AGBL1: variants seen among roughly 807,000 people sequenced by gnomAD.
AGBL1 encodes the protein AGBL carboxypeptidase 1, also known as cytosolic carboxypeptidase 4.
Under a neutral mutation model 118.9 loss-of-function variants are expected in AGBL1, and 130 were observed. The ratio of observed to expected loss-of-function variants is 1.09; its 90% CI spans 0.95 to 1.26. The LOEUF (loss-of-function observed/expected upper bound fraction) is 1.26, where lower values mean the gene tolerates loss of function less well. Ranked by LOEUF, AGBL1 falls within the 50% of genes most tolerant of loss-of-function variation. The pLI, the probability that AGBL1 is intolerant of heterozygous loss-of-function variation, is 0.00. For missense variants in AGBL1, 1,584 were observed against 1,298.1 expected, an observed-to-expected ratio of 1.22 and a Z score of -3.38; for synonymous variants, 555 against 478.9, an observed-to-expected ratio of 1.16 and a Z score of -2.08.
chr15:86,100,846 AT>A (rs1250718597), intron 1 of AGBL1, among the ~76,000 whole-genome samples: 2 of 151,766 alleles, frequency 1.3e-5, no homozygotes, highest in Non-Finnish European at 2.9e-5. Flanking sequence ...CCTTAGTATT[AT>A]TTTTTAGTCA....
chr15:86,256,507 G>A (rs1013291547), intron 7 of AGBL1, among the ~76,000 whole-genome samples: 1 of 152,164 alleles, frequency 6.6e-6, no homozygotes, highest in African/African-American at 2.4e-5. Flanking sequence ...AAAAGACACC[G>A]GCCTCCTCTT....
At chr15:86,104,813 T>A (rs891312617) in intron 1 of AGBL1, among the ~76,000 whole-genome samples, 5 of 152,156 alleles carry the variant, frequency 3.3e-5, no homozygotes, top group African/African-American at 9.7e-5. Flanking sequence ...TGGGACCCAG[T>A]GCGAGCTCCC....
At chr15:86,985,575 T>C (rs1200164471) in intron 23 of AGBL1, among the ~76,000 whole-genome samples, 1 of 152,004 alleles carries the variant, frequency 6.6e-6, no homozygotes, top group African/African-American at 2.4e-5. Flanking sequence ...CCATGTTATA[T>C]TGGGTTGTTT....
chr15:86,759,208 A>G (rs1047838595), intron 22 of AGBL1, among the ~76,000 whole-genome samples: 1 of 152,106 alleles, frequency 6.6e-6, no homozygotes, highest in Non-Finnish European at 1.5e-5. Flanking sequence ...TATGCTTTTT[A>G]AAGACAGTTG....
intron 22 of AGBL1, among the ~76,000 whole-genome samples, chr15:86,813,741 A>G (rs141283959): frequency 6.6e-6 from 1 of 152,340 alleles, no homozygotes; most frequent in African/African-American, 2.4e-5. Flanking sequence ...AGGGTTTGTA[A>G]CAAACAGTCA....
intron 23 of AGBL1, among the ~76,000 whole-genome samples, chr15:86,978,987 T>C (rs1336247866): frequency 6.6e-6 from 1 of 152,188 alleles, no homozygotes; most frequent in Non-Finnish European, 1.5e-5. Context: ...TATTAACATG[T>C]CTGTATTGAG....
At chr15:86,718,323 G>T (rs1395300209) in intron 22 of AGBL1, among the ~76,000 whole-genome samples, 1 of 152,098 alleles carries the variant, frequency 6.6e-6, no homozygotes, top group Admixed American at 6.5e-5. Flanking sequence ...TCACTCATAG[G>T]TGGGAATTGA....
At chr15:86,315,543 G>A (rs190060536) in intron 17 of AGBL1, among the ~76,000 whole-genome samples, 2 of 151,680 alleles carry the variant, frequency 1.3e-5, no homozygotes, top group Admixed American at 6.6e-5. Flanking sequence ...GTGAAACCCC[G>A]TCTCTACTAA....
intron 22 of AGBL1, among the ~76,000 whole-genome samples, chr15:86,840,053 T>A (rs977795271): frequency 1.3e-5 from 2 of 152,220 alleles, no homozygotes; most frequent in Non-Finnish European, 2.9e-5. Flanking sequence ...ATATTTTTAT[T>A]GGGAGAGAAA....
chr15:86,620,941 T>C (rs2084793881), intron 21 of AGBL1, among the ~76,000 whole-genome samples: 1 of 152,170 alleles, frequency 6.6e-6, no homozygotes, highest in African/African-American at 2.4e-5. Context: ...GGCTGCTCTT[T>C]CCCTCCAGTT....
intron 22 of AGBL1, among the ~76,000 whole-genome samples, chr15:86,738,510 G>T (rs979803494): frequency 6.6e-6 from 1 of 152,082 alleles, no homozygotes; most frequent in African/African-American, 2.4e-5. Context: ...TCTTAGAAAT[G>T]GTAAACAAAT....
At chr15:86,934,689 T>A (rs971217718) in intron 23 of AGBL1, among the ~76,000 whole-genome samples, 1 of 79,778 alleles carries the variant, frequency 1.3e-5, no homozygotes, top group African/African-American at 3.4e-5. Context: ...AGCTGGTTAA[T>A]ACAGTACTTC....
At chr15:86,419,281 G>C (rs752907817) in intron 18 of AGBL1, among the ~76,000 whole-genome samples, 3 of 152,034 alleles carry the variant, frequency 2.0e-5, no homozygotes, top group Non-Finnish European at 4.4e-5. Context: ...CATCTCATTG[G>C]GACTGGTTAG....
intron 23 of AGBL1, among the ~76,000 whole-genome samples, chr15:86,960,248 C>A (rs1250397351): frequency 6.6e-6 from 1 of 152,102 alleles, no homozygotes; most frequent in African/African-American, 2.4e-5. Flanking sequence ...TATTAGGGAG[C>A]TACTTCTAGA....
intron 17 of AGBL1, among the ~76,000 whole-genome samples, chr15:86,326,721 C>G (rs35992931): frequency 0.036 from 5,434 of 152,154 alleles, 321 homozygotes; most frequent in African/African-American, 0.12. Context: ...CAGACAACAG[C>G]ATTTGAGCAA....
At chr15:86,999,738 A>G (rs1596724447) in intron 24 of AGBL1, among the ~76,000 whole-genome samples, 1 of 150,790 alleles carries the variant, frequency 6.6e-6, no homozygotes, top group African/African-American at 2.4e-5. Context: ...TTGGGTATAT[A>G]CCCAGTAATG....
chr15:86,521,932 C>T (rs562941718), intron 18 of AGBL1, among the ~76,000 whole-genome samples: 21 of 152,184 alleles, frequency 1.4e-4, no homozygotes, highest in African/African-American at 4.8e-4. Flanking sequence ...ATTGACCCTA[C>T]TGAGTAAATA....
intron 18 of AGBL1, among the ~76,000 whole-genome samples, chr15:86,452,694 A>C (rs908853425): frequency 6.6e-6 from 1 of 152,152 alleles, no homozygotes; most frequent in Non-Finnish European, 1.5e-5. Context: ...CAACGTTCTT[A>C]CTGAATGAAA....
At chr15:86,369,258 C>T (rs907960271) in intron 17 of AGBL1, among the ~76,000 whole-genome samples, 1 of 152,120 alleles carries the variant, frequency 6.6e-6, no homozygotes, top group Non-Finnish European at 1.5e-5. Context: ...TTTGATAAAG[C>T]AAACTCGAGA....
Sources: allele counts gnomAD v4.1 joint callset (sites outside exome capture counted in the v4.1 genomes callset), GRCh38; gene constraint gnomAD v4.1.1; transcripts MANE v1.5; gene names NCBI Gene and HGNC (gene_info 2026-07-23, HGNC 2026-07-21).